SNCAIP: variants seen among roughly 807,000 people sequenced by gnomAD.
SNCAIP encodes the protein synuclein alpha interacting protein.
A neutral mutation model predicts 86.7 loss-of-function variants in SNCAIP; 43 were observed. The observed-to-expected ratio is 0.50, with a 90% confidence interval of 0.39 to 0.64. The LOEUF is 0.64. SNCAIP is among the 30% of genes least tolerant of loss of function. SNCAIP has a pLI of 0.00. For missense variants in SNCAIP, 981 were observed against 1,103.1 expected (o/e 0.89, Z 1.57); for synonymous variants, 417 against 427.2 (o/e 0.98, Z 0.29).
intron 3 of SNCAIP, among the ~76,000 whole-genome samples, chr5:122,413,426 T>C (rs1774565419): frequency 6.6e-6 from 1 of 152,228 alleles, no homozygotes; most frequent in Admixed American, 6.5e-5. Context: ...CTTCTCATCC[T>C]CCAGATCTTA....
At chr5:122,361,642 A>G (rs1762240282) in intron 1 of SNCAIP, among the ~76,000 whole-genome samples, 1 of 152,110 alleles carries the variant, frequency 6.6e-6, no homozygotes, top group African/African-American at 2.4e-5. Context: ...GAGGCTGGAG[A>G]ATCAGGCCTT....
intron 2 of SNCAIP, chr5:122,401,222 T>C (rs1771747174): frequency 8.3e-7 from 1 of 1,200,424 alleles, no homozygotes; most frequent in Non-Finnish European, 1.2e-6. Flanking sequence ...TCCCAGATGG[T>C]AGCACAATGC....
At position 122,373,827 on chromosome 5, in the gene SNCAIP, G is replaced by T. The variant is rs148991866; in HGVS notation, c.-46-17262G>T. Among the ~76,000 whole-genome samples the T allele has an allele frequency of 2.6e-5, 4 of 152,282 alleles. No individual in the cohort carries two copies. In the East Asian group the frequency reaches 7.7e-4, roughly 29 times the overall value. On this transcript the variant is annotated intron_variant, in intron 1 of 10. Transcript: ENST00000261368. ...ACTTTGCATTGCTTTACCACTGGAAGCTTTACCAAATTGCCCACCCCTTGG... is the reference window on the plus strand; with the variant it reads ...ACTTTGCATTGCTTTACCACTGGAATCTTTACCAAATTGCCCACCCCTTGG...
intron 10 of SNCAIP, among the ~76,000 whole-genome samples, chr5:122,458,692 C>G (rs1785385055): frequency 6.6e-6 from 1 of 152,140 alleles, no homozygotes; most frequent in South Asian, 2.1e-4. Context: ...CCTGGATGGC[C>G]GGGCCACTCT....
intron 10 of SNCAIP, among the ~76,000 whole-genome samples, chr5:122,456,166 T>G (rs1168347001): frequency 6.6e-6 from 1 of 152,194 alleles, no homozygotes; most frequent in Non-Finnish European, 1.5e-5. Context: ...AGGAAACGCC[T>G]AATCCTAGCA....
chr5:122,425,177 T>C (rs975151721), intron 4 of SNCAIP, among the ~76,000 whole-genome samples, 175 bp from the exon 5 acceptor site: 1 of 152,224 alleles, frequency 6.6e-6, no homozygotes, highest in Non-Finnish European at 1.5e-5. Flanking sequence ...AGAACTCATT[T>C]TCTAAAGCAT....
At chr5:122,441,518 G>T (rs1030744546) in intron 7 of SNCAIP, among the ~76,000 whole-genome samples, 2 of 152,184 alleles carry the variant, frequency 1.3e-5, no homozygotes, top group African/African-American at 4.8e-5. Flanking sequence ...CACATGAAGG[G>T]TGCTCCAAGA....
chr5:122,451,326 C>T lies in SNCAIP; in HGVS notation c.2479C>T (p.Gln827Ter). The T allele has an allele frequency of 6.2e-7, 1 of 1,614,150 alleles. No individual in the cohort carries two copies. Among genetic ancestry groups the T allele is most frequent in the Non-Finnish European group, 8.5e-7 (1 of 1,180,014 alleles). Reference sequence around the variant, plus strand: ...TGAGGAGCCTGTGGTGCAGATGGAGCAGCCTAGCCTTGAACTGAATGGAGA... The same window carrying T: ...TGAGGAGCCTGTGGTGCAGATGGAGTAGCCTAGCCTTGAACTGAATGGAGA... The part of the protein sequence containing the change: ...TFEEPVVQME[Q>*]PSLELNGEKD... The change falls in exon 10 of 11, where the codon CAG becomes TAG. Residue 827 changes from glutamine (Q) to a stop codon, truncating the protein, a stop_gained. Coordinates refer to ENST00000261368, the MANE Select transcript of SNCAIP (RefSeq NM_005460.4). LOFTEE classifies it high-confidence loss of function.
At chr5:122,385,777 G>A (rs745391675) in intron 1 of SNCAIP, among the ~76,000 whole-genome samples, 72 of 151,832 alleles carry the variant, frequency 4.7e-4, no homozygotes, top group Admixed American at 1.4e-3. Flanking sequence ...GAAATAAGTT[G>A]TAATGCAAAT....
chr5:122,368,018 A>T (rs138896589), intron 1 of SNCAIP, among the ~76,000 whole-genome samples: 128 of 152,284 alleles, frequency 8.4e-4, no homozygotes, highest in Middle Eastern at 3.4e-3. Context: ...CATAATTCAT[A>T]CATGATTTAA....
intron 2 of SNCAIP, among the ~76,000 whole-genome samples, chr5:122,400,762 G>A (rs760081115): frequency 6.6e-6 from 1 of 152,208 alleles, no homozygotes; most frequent in Non-Finnish European, 1.5e-5. Context: ...TGGAAGCACA[G>A]GGACGGTGAA....
intron 1 of SNCAIP, among the ~76,000 whole-genome samples, chr5:122,359,922 C>T (rs1761876493): frequency 6.6e-6 from 1 of 152,066 alleles, no homozygotes. Flanking sequence ...GTATTGCTAG[C>T]CACAAATAAT....
intron 7 of SNCAIP, chr5:122,441,063 C>T (rs1780779032): frequency 3.4e-6 from 1 of 295,094 alleles, no homozygotes; most frequent in Admixed American, 4.6e-5. Context: ...TCTCAAGGCA[C>T]CAGAGAAACC....
In SNCAIP at chr5:122,407,369, C is replaced by T. The variant is rs76410504; in HGVS notation, c.130+3504C>T. Reference sequence around the variant, plus strand: ...TATGAGGAAGAAAAAACCAGTGTAGCTGCAGCATGGTGATCAGAATGAGGA... The same window carrying T: ...TATGAGGAAGAAAAAACCAGTGTAGTTGCAGCATGGTGATCAGAATGAGGA... On this transcript the variant is annotated intron_variant, in intron 3 of 10. Coordinates refer to ENST00000261368, the MANE Select transcript of SNCAIP (RefSeq NM_005460.4). Among the ~76,000 whole-genome samples the T allele has an allele frequency of 1.5e-3, 225 of 152,312 alleles. 1 individual carries two copies. The highest frequency in any genetic ancestry group is 4.9e-3 in the African/African-American group (204 of 41,582).
At position 122,423,878 on chromosome 5, in the gene SNCAIP, G is replaced by A. The variant is rs1017817168; in HGVS notation, c.1002+139G>A. On this transcript the variant is annotated intron_variant, in intron 4 of 10. Transcript: ENST00000261368. ...TTACTTGTGGCTTTAGTTGGGAGAT[G>A]TGACCTTTTGAGTTTTAAAATAAGA... is the stretch of plus-strand genomic sequence containing the variant. 1.9e-5 allele frequency: 14 copies of A among 720,570 alleles called. No individual in the cohort carries two copies. In the African/African-American group the frequency reaches 2.5e-4, roughly 13 times the overall value. The allele number at this position is 720,570 out of a possible 1,614,324, so 44.6% of individuals were successfully genotyped here. A position where few individuals can be genotyped will look rare whatever the true frequency, so the allele number is the denominator to read the frequency against.
chr5:122,350,501 G>A (rs990883369), intron 1 of SNCAIP, among the ~76,000 whole-genome samples: 3 of 150,992 alleles, frequency 2.0e-5, no homozygotes, highest in Non-Finnish European at 4.4e-5. Context: ...TTTACAAGGA[G>A]TAAGGATTTT....
intron 1 of SNCAIP, among the ~76,000 whole-genome samples, chr5:122,355,025 T>C (rs1760719434): frequency 6.6e-6 from 1 of 152,240 alleles, no homozygotes; most frequent in African/African-American, 2.4e-5. Context: ...TGAGATCATA[T>C]AATCTTTAGT....
chr5:122,401,046 G>A, intron 2 of SNCAIP: 1 of 1,550,282 alleles, frequency 6.5e-7, no homozygotes, highest in East Asian at 2.4e-5. Flanking sequence ...AGACAGGGAA[G>A]ATGCAATGGG....
Position 122,391,098 on chromosome 5 carries a change from A to G in SNCAIP, c.-37A>G. 5 of 1,554,296 alleles carry G rather than the reference A, an allele frequency of 3.2e-6. No individual in the cohort carries two copies. The highest frequency in any genetic ancestry group is 4.4e-6 in the Non-Finnish European group (5 of 1,125,566). On this transcript the variant is annotated 5_prime_UTR_variant, in exon 2 of 11. Coordinates refer to ENST00000261368, the MANE Select transcript of SNCAIP (RefSeq NM_005460.4). Reference sequence around the variant, plus strand: ...CTTCTGTCTCGTTCAGGAATTTATAAGTATTTGACCGTACTCAAAATGTGC... The same window carrying G: ...CTTCTGTCTCGTTCAGGAATTTATAGGTATTTGACCGTACTCAAAATGTGC...
Sources: allele counts gnomAD v4.1 joint callset (sites outside exome capture counted in the v4.1 genomes callset), GRCh38; gene constraint gnomAD v4.1.1; transcripts MANE v1.5; gene names NCBI Gene and HGNC (gene_info 2026-07-23, HGNC 2026-07-21).